The following FSTL5 variants were observed in gnomAD, a reference collection of about 807,000 sequenced individuals.
FSTL5 encodes follistatin like 5.
A neutral mutation model predicts 89.1 loss-of-function variants in FSTL5; 62 were observed. The ratio of observed to expected loss-of-function variants is 0.70; its 90% CI spans 0.57 to 0.86. The LOEUF (loss-of-function observed/expected upper bound fraction) is 0.86. Among genes scored for constraint, FSTL5 ranks in the 40% least tolerant of loss-of-function variants. FSTL5 has a pLI of 0.00. For missense variants in FSTL5, 1,057 were observed against 1,001.6 expected (o/e 1.06, Z -0.75); for synonymous variants, 383 against 346.2 (o/e 1.11, Z -1.18).
chr4:161,420,437 T>A lies in FSTL5; in HGVS notation c.1842-33988A>T, dbSNP rs146833278. 9.6e-3 allele frequency among the ~76,000 whole-genome samples: 1,467 copies of A among 152,280 alleles called. 10 individuals carry two copies. Among genetic ancestry groups the A allele is most frequent in the Middle Eastern group, 0.017 (5 of 294 alleles). On this transcript the variant is annotated intron_variant, in intron 15 of 15. Coordinates refer to ENST00000306100, the MANE Select transcript of FSTL5 (RefSeq NM_020116.5). ...TATGTTAAGCAAATATCTTTAAGTATCTTTTGATTTAAAGAGAGGGTTGTT... is the reference window on the plus strand; with the variant it reads ...TATGTTAAGCAAATATCTTTAAGTAACTTTTGATTTAAAGAGAGGGTTGTT...
At chr4:161,617,710 A>C (rs1263904191) in intron 7 of FSTL5, among the ~76,000 whole-genome samples, 2 of 152,352 alleles carry the variant, frequency 1.3e-5, no homozygotes, top group East Asian at 3.9e-4. Flanking sequence ...AAAAGACCTG[A>C]GAATGATGAA....
intron 4 of FSTL5, among the ~76,000 whole-genome samples, chr4:161,817,428 A>T (rs1430256456): frequency 6.6e-6 from 1 of 152,188 alleles, no homozygotes; most frequent in Non-Finnish European, 1.5e-5. Context: ...TGTTCTTTCA[A>T]AATTCTCAAT....
intron 6 of FSTL5, among the ~76,000 whole-genome samples, chr4:161,719,796 G>C (rs1739128148): frequency 6.6e-6 from 1 of 151,868 alleles, no homozygotes; most frequent in South Asian, 2.1e-4. Context: ...AACAATTTTT[G>C]TATGTTGATT....
chr4:161,960,053 T>C (rs1160560220), intron 3 of FSTL5, among the ~76,000 whole-genome samples: 1 of 152,008 alleles, frequency 6.6e-6, no homozygotes, highest in African/African-American at 2.4e-5. Flanking sequence ...TGTTATTAAA[T>C]AAAAATAAGT....
intron 4 of FSTL5, among the ~76,000 whole-genome samples, chr4:161,818,390 G>A (rs566833037): frequency 6.6e-6 from 1 of 152,304 alleles, no homozygotes; most frequent in South Asian, 2.1e-4. Flanking sequence ...GCAAGAACCC[G>A]GGGATAAAGA....
At chr4:161,867,377 C>T (rs950385603) in intron 4 of FSTL5, among the ~76,000 whole-genome samples, 11 of 151,862 alleles carry the variant, frequency 7.2e-5, no homozygotes, top group Non-Finnish European at 1.3e-4. Flanking sequence ...ATTTAATAAA[C>T]ACTTTCTGCA....
chr4:161,545,362 C>G (rs527348399), intron 8 of FSTL5, among the ~76,000 whole-genome samples: 1 of 151,878 alleles, frequency 6.6e-6, no homozygotes, highest in Admixed American at 6.6e-5. Context: ...TGTGTGCACA[C>G]GTAATTTAAA....
chr4:161,515,491 A>G (rs17041152), intron 10 of FSTL5, among the ~76,000 whole-genome samples: 26,850 of 151,696 alleles, frequency 0.18, 2,646 homozygotes, highest in East Asian at 0.37. Flanking sequence ...ACAAGCATAT[A>G]ATGCATTTTT....
intron 2 of FSTL5, among the ~76,000 whole-genome samples, chr4:162,098,514 A>G (rs1357248555): frequency 2.0e-5 from 3 of 152,050 alleles, no homozygotes; most frequent in African/African-American, 7.2e-5. Context: ...AATGCAAATG[A>G]TTCAGTGAAA....
At position 161,574,858 on chromosome 4, in the gene FSTL5, T is replaced by C. The variant is rs578229332; in HGVS notation, c.1015+12597A>G. 2.6e-5 allele frequency among the ~76,000 whole-genome samples: 4 copies of C among 152,324 alleles called. No homozygotes were observed. In the South Asian group the frequency reaches 8.3e-4, roughly 32 times the overall value. ...AATGATTCATAATCCTTTCGGTATA[T>C]GCAGTAATGGGATCGCTGGGTCAAA... On this transcript the variant is annotated intron_variant, in intron 8 of 15. Transcript: ENST00000306100.
At chr4:161,510,246 G>A (rs1730608454) in intron 11 of FSTL5, 152 bp downstream of exon 11, 1 of 608,838 alleles carries the variant, frequency 1.6e-6, no homozygotes, top group Non-Finnish European at 2.9e-6. Context: ...ATGTGTAATG[G>A]TAGCAGGCTT....
chr4:161,425,771 C>T (rs1281461485), intron 15 of FSTL5, among the ~76,000 whole-genome samples: 1 of 152,116 alleles, frequency 6.6e-6, no homozygotes, highest in Non-Finnish European at 1.5e-5. Context: ...TCTTGAAACC[C>T]AGTGAGATTA....
chr4:161,988,420 T>C (rs1477668183), intron 3 of FSTL5, among the ~76,000 whole-genome samples: 2 of 152,118 alleles, frequency 1.3e-5, no homozygotes, highest in African/African-American at 4.8e-5. Context: ...ACAGTATTAG[T>C]CAATACTTCT....
At chr4:161,663,463 G>T (rs1186743718) in intron 6 of FSTL5, among the ~76,000 whole-genome samples, 1 of 152,118 alleles carries the variant, frequency 6.6e-6, no homozygotes, top group Non-Finnish European at 1.5e-5. Flanking sequence ...AATCCAGGGG[G>T]CCAGTCACAT....
intron 4 of FSTL5, among the ~76,000 whole-genome samples, chr4:161,829,139 T>TATATATATA (rs376398343): frequency 7.1e-6 from 1 of 139,934 alleles, no homozygotes; most frequent in South Asian, 2.3e-4. Flanking sequence ...CAGTCACATT[T>TATATATATA]TATATATATA....
chr4:161,880,924 G>A (rs1440545460), intron 4 of FSTL5, among the ~76,000 whole-genome samples: 1 of 151,986 alleles, frequency 6.6e-6, no homozygotes, highest in Admixed American at 6.6e-5. Flanking sequence ...CTCAGCAAAG[G>A]AAATTTTTTT....
At chr4:161,454,002 T>C (rs1243399409) in intron 15 of FSTL5, among the ~76,000 whole-genome samples, 1 of 152,190 alleles carries the variant, frequency 6.6e-6, no homozygotes, top group Non-Finnish European at 1.5e-5. Flanking sequence ...ATGCTTGGCT[T>C]TGCAAGGAAT....
chr4:161,666,971 A>G (rs1197719340), intron 6 of FSTL5, among the ~76,000 whole-genome samples: 1 of 152,064 alleles, frequency 6.6e-6, no homozygotes, highest in Admixed American at 6.5e-5. Context: ...CGCAGAAAAA[A>G]TTCTTGTGCA....
chr4:161,399,221 A>C (rs1020481515), intron 15 of FSTL5, among the ~76,000 whole-genome samples: 3 of 152,076 alleles, frequency 2.0e-5, no homozygotes, highest in African/African-American at 7.2e-5. Flanking sequence ...AGTGGCACTG[A>C]TGTCATGAAT....
Sources: allele counts gnomAD v4.1 joint callset (sites outside exome capture counted in the v4.1 genomes callset), GRCh38; gene constraint gnomAD v4.1.1; transcripts MANE v1.5; gene names NCBI Gene and HGNC (gene_info 2026-07-23, HGNC 2026-07-21).